IQSEC1: variants seen among roughly 807,000 people sequenced by gnomAD.
IQSEC1 encodes the protein IQ motif and SEC7 domain-containing protein 1.
A neutral mutation model predicts 91.0 loss-of-function variants in IQSEC1; 31 were observed. The ratio of observed to expected loss-of-function variants is 0.34; its 90% CI spans 0.26 to 0.46. IQSEC1 has a LOEUF of 0.46. IQSEC1 is among the 20% of genes least tolerant of loss of function. The pLI is 1.00. For missense variants in IQSEC1, 1,388 were observed against 1,575.6 expected (o/e 0.88, Z 2.02); for synonymous variants, 699 against 662.6 (o/e 1.05, Z -0.84).
intron 6 of IQSEC1, among the ~76,000 whole-genome samples, chr3:12,916,151 G>A (rs985329788): frequency 1.3e-5 from 2 of 152,176 alleles, no homozygotes; most frequent in Non-Finnish European, 2.9e-5. Context: ...CTGGGGCCAC[G>A]TCCTACTTTC....
chr3:13,197,653 G>C lies in IQSEC1; in HGVS notation c.273-33520C>G, dbSNP rs113458703. On this transcript the variant is annotated intron_variant, in intron 1 of 15. Coordinates refer to the IQSEC1 transcript ENST00000648114. Reference sequence around the variant, plus strand: ...TCACGGCCGCATGCAGTAGTCGCTAGTCAGCATCCCACCTTACGACCAGCA... The same window carrying C: ...TCACGGCCGCATGCAGTAGTCGCTACTCAGCATCCCACCTTACGACCAGCA... 2.1e-3 allele frequency among the ~76,000 whole-genome samples: 314 copies of C among 152,354 alleles called. 1 individual carries two copies. Among genetic ancestry groups the C allele is most frequent in the African/African-American group, 6.9e-3 (288 of 41,588 alleles).
At chr3:13,253,071 G>A (rs1026838733) in intron 1 of IQSEC1, among the ~76,000 whole-genome samples, 1 of 152,224 alleles carries the variant, frequency 6.6e-6, no homozygotes, top group Non-Finnish European at 1.5e-5. Flanking sequence ...ACCCTGGTGG[G>A]TGTGAGGTTG....
intron 1 of IQSEC1, among the ~76,000 whole-genome samples, chr3:13,219,660 T>C (rs972202485): frequency 2.6e-5 from 4 of 152,268 alleles, no homozygotes; most frequent in Admixed American, 2.6e-4. Context: ...TGCCAAGTGC[T>C]TAGTGGCTTT....
chr3:13,112,520 A>G (rs1195364858), intron 2 of IQSEC1, among the ~76,000 whole-genome samples: 2 of 152,254 alleles, frequency 1.3e-5, no homozygotes, highest in Admixed American at 1.3e-4. Context: ...CAGCCCTGAG[A>G]GCCAGGAAGA....
chr3:12,921,042 C>T (rs1275788770), intron 5 of IQSEC1, among the ~76,000 whole-genome samples: 3 of 152,180 alleles, frequency 2.0e-5, no homozygotes, highest in Non-Finnish European at 4.4e-5. Flanking sequence ...AGCACTCTGC[C>T]TTGTCTCAGC....
intron 1 of IQSEC1, among the ~76,000 whole-genome samples, chr3:13,201,393 C>T (rs1388880938): frequency 2.0e-5 from 3 of 152,194 alleles, no homozygotes; most frequent in Admixed American, 6.5e-5. Flanking sequence ...TGCAGTAATG[C>T]GATCATAGCT....
intron 1 of IQSEC1, among the ~76,000 whole-genome samples, chr3:13,226,271 T>C (rs6770415): frequency 0.21 from 31,615 of 152,164 alleles, 3,448 homozygotes; most frequent in East Asian, 0.35. Flanking sequence ...GAATCCCAAG[T>C]TTGCCATTTA....
chr3:13,192,839 T>G (rs769477011), intron 1 of IQSEC1, among the ~76,000 whole-genome samples: 1 of 152,216 alleles, frequency 6.6e-6, no homozygotes, highest in Non-Finnish European at 1.5e-5. Flanking sequence ...CCCTGCTCAG[T>G]GTCAGCTCTG....
chr3:12,906,940 G>T (rs544557564), intron 12 of IQSEC1, among the ~76,000 whole-genome samples: 4 of 152,206 alleles, frequency 2.6e-5, no homozygotes, highest in Non-Finnish European at 5.9e-5. Flanking sequence ...AGGCCACTGG[G>T]GAAACCAGTG....
At chr3:12,950,820 G>A (rs531571722) in intron 1 of IQSEC1, among the ~76,000 whole-genome samples, 49 of 151,036 alleles carry the variant, frequency 3.2e-4, no homozygotes, top group African/African-American at 1.1e-3. Context: ...TTTTTTTTTT[G>A]TATTTTTAGT....
At chr3:12,920,245 C>T (rs939191603) in intron 6 of IQSEC1, among the ~76,000 whole-genome samples, 185 bp downstream of exon 6, 14 of 152,238 alleles carry the variant, frequency 9.2e-5, no homozygotes, top group African/African-American at 3.4e-4. Flanking sequence ...CACGGGGGCT[C>T]CTCTAAGGCA....
chr3:12,915,474 A>G, intron 7 of IQSEC1, 120 bp downstream of exon 7: 1 of 1,123,620 alleles, frequency 8.9e-7, no homozygotes, highest in Non-Finnish European at 1.3e-6. Flanking sequence ...CCCTGGCAGA[A>G]TTCACCAGCC....
chr3:12,904,667 C>T (rs1694771534), intron 12 of IQSEC1, among the ~76,000 whole-genome samples: 1 of 152,188 alleles, frequency 6.6e-6, no homozygotes, highest in Non-Finnish European at 1.5e-5. Context: ...TGTGGAGGGA[C>T]AGAGCGCCAA....
intron 1 of IQSEC1, among the ~76,000 whole-genome samples, chr3:12,999,362 T>C (rs1702337888): frequency 1.3e-5 from 2 of 152,214 alleles, no homozygotes; most frequent in African/African-American, 4.8e-5. Context: ...TAAACTGCCT[T>C]GCATGACTTC....
At chr3:13,055,896 A>C in intron 1 of IQSEC1, among the ~76,000 whole-genome samples, 1 of 152,020 alleles carries the variant, frequency 6.6e-6, no homozygotes, top group East Asian at 1.9e-4. Flanking sequence ...CTACTGCAGG[A>C]GTGAAGGCCT....
chr3:12,933,578 T>C (rs1263379734), intron 3 of IQSEC1, among the ~76,000 whole-genome samples: 1 of 152,146 alleles, frequency 6.6e-6, no homozygotes, highest in Non-Finnish European at 1.5e-5. Flanking sequence ...GGGAGGAGGG[T>C]GCCCCTGGCA....
intron 3 of IQSEC1, among the ~76,000 whole-genome samples, chr3:12,925,171 G>C (rs1319814346): frequency 3.9e-5 from 6 of 152,170 alleles, no homozygotes. Context: ...ATTCAGAACT[G>C]GGTTCCCTGT....
chr3:13,026,141 C>T (rs1703603228), intron 1 of IQSEC1, among the ~76,000 whole-genome samples: 1 of 152,334 alleles, frequency 6.6e-6, no homozygotes, highest in East Asian at 1.9e-4. Context: ...TACTCGTTGC[C>T]TCAGCTCTGT....
At chr3:12,933,523 G>A (rs889599139) in intron 3 of IQSEC1, among the ~76,000 whole-genome samples, 2 of 152,232 alleles carry the variant, frequency 1.3e-5, no homozygotes, top group African/African-American at 2.4e-5. Context: ...GCCACGTCCT[G>A]CTTTCAGCAC....
Sources: allele counts gnomAD v4.1 joint callset (sites outside exome capture counted in the v4.1 genomes callset), GRCh38; gene constraint gnomAD v4.1.1; transcripts MANE v1.5; gene names NCBI Gene and HGNC (gene_info 2026-07-23, HGNC 2026-07-21).